Variants in NHS observed in about 807,000 individuals in gnomAD.
NHS encodes actin remodeling regulator NHS.
Under a neutral mutation model 72.5 loss-of-function variants are expected in NHS, and 5 were observed. The ratio of observed to expected loss-of-function variants is 0.07; its 90% CI spans 0.04 to 0.14. NHS has a LOEUF of 0.14. Among genes scored for constraint, NHS ranks in the 10% least tolerant of loss-of-function variants. The probability of loss-of-function intolerance (pLI) is 1.00; values close to 1 mark genes in which losing one functional copy is unlikely to be tolerated. For synonymous variants in NHS, 464 were observed against 547.7 expected (o/e 0.85, Z 2.13); for missense variants, 1,072 against 1,355.7 (o/e 0.79, Z 3.29).
At chrX:17,416,819 T>TGTGTGTGTGTGTGTGTGA (rs1445369548) in intron 1 of NHS, among the ~76,000 whole-genome samples, 1 of 98,194 alleles carries the variant, frequency 1.0e-5, no homozygotes, top group African/African-American at 3.9e-5. Flanking sequence ...TGTGTGTGTG[T>TGTGTGTGTGTGTGTGTGA]GAGAGAGAGA....
chrX:17,475,927 G>C (rs1016500655), intron 1 of NHS, among the ~76,000 whole-genome samples: 33 of 111,569 alleles, frequency 3.0e-4, no homozygotes, highest in African/African-American at 1.0e-3. Context: ...CTGATTTAGG[G>C]GCTCCTGTGC....
At chrX:17,673,122 G>A (rs2066057785) in intron 1 of NHS, among the ~76,000 whole-genome samples, 1 of 107,073 alleles carries the variant, frequency 9.3e-6, no homozygotes, top group Admixed American at 1.1e-4. Context: ...ACTCACGTTT[G>A]AGCACCTATT....
chrX:17,442,523 C>T (rs1399641676), intron 1 of NHS, among the ~76,000 whole-genome samples: 1 of 112,552 alleles, frequency 8.9e-6, no homozygotes, highest in Non-Finnish European at 1.9e-5. Context: ...CGAGGTTCCA[C>T]ATGGAACTTG....
intron 4 of NHS, among the ~76,000 whole-genome samples, chrX:17,720,836 T>G (rs758459325): frequency 1.8e-5 from 2 of 112,487 alleles, no homozygotes; most frequent in Non-Finnish European, 3.8e-5. Context: ...TAGGGGGAAA[T>G]TCTTCACTTT....
chrX:17,503,909 G>A (rs1188948934), intron 1 of NHS, among the ~76,000 whole-genome samples: 1 of 111,235 alleles, frequency 9.0e-6, no homozygotes, highest in African/African-American at 3.3e-5. Context: ...TGAATGAATT[G>A]ACTTCCCAAA....
intron 3 of NHS, among the ~76,000 whole-genome samples, chrX:17,707,522 AAG>A (rs2066303016): frequency 8.9e-6 from 1 of 111,892 alleles, no homozygotes; most frequent in Non-Finnish European, 1.9e-5. Flanking sequence ...CTTATTGGGA[AAG>A]AAATGAAGGA....
chrX:17,689,879 T>A (rs2066185422), intron 2 of NHS, among the ~76,000 whole-genome samples: 1 of 112,245 alleles, frequency 8.9e-6, no homozygotes, highest in Non-Finnish European at 1.9e-5. Context: ...GATTAGGATT[T>A]TATGGATTCC....
Position 17,732,609 on chromosome X carries a change from T to C in NHS, c.*145T>C. 1 of 884,699 alleles carries C rather than the reference T, an allele frequency of 1.1e-6. No homozygotes were observed. The highest frequency in any genetic ancestry group is 1.6e-6 in the Non-Finnish European group (1 of 617,181). The allele number at this position is 884,699 out of a possible 1,213,427, so 72.9% of individuals were successfully genotyped here. A position where few individuals can be genotyped will look rare whatever the true frequency, so the allele number is the denominator to read the frequency against. ...TGAATGAATTTCTAAATACAGTATGTGCTGGGTAAACAGAAAGTGGTTTAG... is the reference window on the plus strand; with the variant it reads ...TGAATGAATTTCTAAATACAGTATGCGCTGGGTAAACAGAAAGTGGTTTAG... On this transcript the variant is annotated 3_prime_UTR_variant, in exon 9 of 9. Transcript: ENST00000676302.
At chrX:17,380,669 G>A (rs1016182265) in intron 1 of NHS, among the ~76,000 whole-genome samples, 5 of 112,107 alleles carry the variant, frequency 4.5e-5, no homozygotes, top group African/African-American at 1.3e-4. Flanking sequence ...CTTGTAAGGC[G>A]TTTCACTCTG....
At chrX:17,486,361 C>T (rs1191037106) in intron 1 of NHS, among the ~76,000 whole-genome samples, 1 of 112,221 alleles carries the variant, frequency 8.9e-6, no homozygotes, top group Non-Finnish European at 1.9e-5. Flanking sequence ...CTCTAAAATT[C>T]AGTGGCAAGT....
At chrX:17,482,819 A>T (rs1156280650) in intron 1 of NHS, among the ~76,000 whole-genome samples, 1 of 112,477 alleles carries the variant, frequency 8.9e-6, no homozygotes, top group Non-Finnish European at 1.9e-5. Context: ...AAATTTTTTT[A>T]AAGTTTTATT....
intron 1 of NHS, among the ~76,000 whole-genome samples, chrX:17,569,115 G>C (rs1218321907): frequency 1.8e-5 from 2 of 111,608 alleles, no homozygotes; most frequent in African/African-American, 6.5e-5. Flanking sequence ...GAATAGTGCT[G>C]CAATAAACAT....
intron 1 of NHS, among the ~76,000 whole-genome samples, chrX:17,556,208 A>G (rs1027553459): frequency 8.9e-6 from 1 of 112,708 alleles, no homozygotes; most frequent in Non-Finnish European, 1.9e-5. Context: ...GGACTGCAGG[A>G]AAGATTGTTC....
intron 1 of NHS, among the ~76,000 whole-genome samples, chrX:17,391,830 C>T (rs1443222901): frequency 8.9e-6 from 1 of 111,775 alleles, no homozygotes; most frequent in Non-Finnish European, 1.9e-5. Flanking sequence ...AGCACCCATG[C>T]GTTTGCTTTG....
In NHS at chrX:17,728,549, CTGTT is replaced by C. The variant is rs10643465; in HGVS notation, c.4223-75_4223-72del. The C allele has an allele frequency of 1.5e-3, 1,572 of 1,055,324 alleles. 7 individuals are homozygous for C. In the African/African-American group the frequency reaches 0.018, roughly 12 times the overall value. 87.0% of individuals were successfully genotyped at this position (1,055,324 alleles called of 1,213,427 possible). ...TTAAAAAATGGCAGCAAGGTAATTT[CTGTT>C]TGTTTGTTTGTTTGTTTGTTTGTTC... On this transcript the variant is annotated intron_variant, in intron 7 of 8. Coordinates refer to ENST00000676302, the MANE Select transcript of NHS (RefSeq NM_001291867.2).
chrX:17,436,135 TTTG>T (rs1322818433), intron 1 of NHS, among the ~76,000 whole-genome samples: 4 of 112,059 alleles, frequency 3.6e-5, no homozygotes, highest in Non-Finnish European at 5.6e-5. Context: ...TGTGTGTTTT[TTTG>T]TTGTTGTTGT....
chrX:17,692,701 A>G (rs895822189), intron 3 of NHS, among the ~76,000 whole-genome samples: 1 of 111,473 alleles, frequency 9.0e-6, no homozygotes, highest in Non-Finnish European at 1.9e-5. Flanking sequence ...TAAAGCAAGA[A>G]TAATTACAGA....
intron 1 of NHS, among the ~76,000 whole-genome samples, chrX:17,483,108 A>G (rs1218397965): frequency 8.9e-6 from 1 of 112,232 alleles, no homozygotes; most frequent in East Asian, 2.8e-4. Flanking sequence ...GTATCACTCC[A>G]GGGATTCTTG....
chrX:17,615,185 T>TCAC (rs2065735876), intron 1 of NHS, among the ~76,000 whole-genome samples: 5 of 88,496 alleles, frequency 5.6e-5, no homozygotes, highest in Admixed American at 1.3e-4. Context: ...ATATATATAG[T>TCAC]ATATATACAC....
Sources: gnomAD v4.1 joint callset for allele counts (sites outside exome capture counted in the v4.1 genomes callset) on GRCh38, gnomAD v4.1.1 for gene constraint, MANE v1.5 for transcripts, NCBI Gene and HGNC (gene_info 2026-07-23, HGNC 2026-07-21) for gene names.